Variants in SEMA3E observed in about 807,000 individuals in gnomAD.
SEMA3E encodes the protein semaphorin-3E.
Under a neutral mutation model 93.6 loss-of-function variants are expected in SEMA3E, and 49 were observed. That is an observed-to-expected ratio of 0.52 (90% CI 0.42 to 0.66). The LOEUF (loss-of-function observed/expected upper bound fraction) is 0.66. SEMA3E is among the 30% of genes least tolerant of loss of function. The probability of loss-of-function intolerance (pLI) is 0.00; values close to 1 mark genes in which losing one functional copy is unlikely to be tolerated. For synonymous variants in SEMA3E, 363 were observed against 330.7 expected (o/e 1.10, Z -1.06); for missense variants, 906 against 964.8 (o/e 0.94, Z 0.81).
chr7:83,536,599 T>C (rs1274361683), intron 1 of SEMA3E, among the ~76,000 whole-genome samples: 1 of 152,034 alleles, frequency 6.6e-6, no homozygotes, highest in Non-Finnish European at 1.5e-5. Context: ...AAATCAGATA[T>C]ATTGAGATAG....
intron 4 of SEMA3E, among the ~76,000 whole-genome samples, chr7:83,458,617 G>T (rs1043632555): frequency 6.6e-6 from 1 of 151,706 alleles, no homozygotes; most frequent in Non-Finnish European, 1.5e-5. Context: ...ACTGCCCATT[G>T]CAAGTTTACA....
At chr7:83,428,320 A>G (rs1350351641) in intron 4 of SEMA3E, among the ~76,000 whole-genome samples, 1 of 152,234 alleles carries the variant, frequency 6.6e-6, no homozygotes, top group East Asian at 1.9e-4. Flanking sequence ...GCTAGAAGTC[A>G]ACTAGAATAT....
chr7:83,520,656 G>A (rs759832076), intron 1 of SEMA3E, among the ~76,000 whole-genome samples: 7 of 152,032 alleles, frequency 4.6e-5, no homozygotes, highest in South Asian at 2.1e-4. Context: ...AACATACACC[G>A]TATTTAAGAT....
rs200621696 is a variant in SEMA3E at position 83,367,706 on chromosome 7, A to C, written c.2208T>G (p.Asp736Glu). The change falls in exon 17 of 17, where the codon GAT becomes GAG. Residue 736 changes from aspartate to glutamate, a missense_variant. By Grantham distance (45) the Asp-to-Glu change is conservative. Coordinates refer to ENST00000643230, the MANE Select transcript of SEMA3E (RefSeq NM_012431.3). ...EEYCEKVWCT[D>E]RKRKKLKMSP... ...ACATTTTAAGCTTTTTCCTCTTTCT[A>C]TCTGTGCACCATACTTTCTCGCAGT... 84 of 1,613,736 alleles carry C rather than the reference A, an allele frequency of 5.2e-5. 1 individual carries two copies. The South Asian group carries it at 9.2e-4, about 18-fold the overall frequency.
intron 1 of SEMA3E, among the ~76,000 whole-genome samples, chr7:83,613,898 C>A (rs1258026253): frequency 6.6e-6 from 1 of 151,968 alleles, no homozygotes; most frequent in Non-Finnish European, 1.5e-5. Context: ...ATAATGACTT[C>A]TAAAGATGTA....
intron 4 of SEMA3E, among the ~76,000 whole-genome samples, chr7:83,420,308 T>A (rs1275041284): frequency 6.6e-6 from 1 of 152,178 alleles, no homozygotes; most frequent in East Asian, 1.9e-4. Context: ...ATATAGATGA[T>A]ACAAACAAAT....
intron 4 of SEMA3E, among the ~76,000 whole-genome samples, chr7:83,445,781 G>C (rs1304261604): frequency 6.6e-6 from 1 of 152,024 alleles, no homozygotes; most frequent in East Asian, 1.9e-4. Flanking sequence ...AGAAAGAAGA[G>C]TGAGGGCTTC....
At chr7:83,470,226 C>T (rs1048241519) in intron 2 of SEMA3E, among the ~76,000 whole-genome samples, 1 of 151,886 alleles carries the variant, frequency 6.6e-6, no homozygotes, top group East Asian at 1.9e-4. Context: ...TCTTTTTCAC[C>T]TCTAATAGTA....
chr7:83,543,454 A>G (rs531956154), intron 1 of SEMA3E, among the ~76,000 whole-genome samples: 1 of 152,172 alleles, frequency 6.6e-6, no homozygotes, highest in Admixed American at 6.5e-5. Flanking sequence ...ATGTGTCCAG[A>G]CTCATATAAA....
At chr7:83,616,297 T>C (rs928284540) in intron 1 of SEMA3E, among the ~76,000 whole-genome samples, 16 of 152,328 alleles carry the variant, frequency 1.1e-4, no homozygotes, top group Non-Finnish European at 5.9e-5. Flanking sequence ...TTGTCATTCA[T>C]GCTATGTCCT....
At chr7:83,466,730 A>T in intron 3 of SEMA3E, 129 bp from the exon 4 acceptor site, 1 of 1,106,462 alleles carries the variant, frequency 9.0e-7, no homozygotes, top group Non-Finnish European at 1.3e-6. Context: ...GAAGGAGGCA[A>T]GAGGGGTAGA....
intron 4 of SEMA3E, among the ~76,000 whole-genome samples, chr7:83,425,233 T>A (rs530946983): frequency 6.7e-6 from 1 of 148,680 alleles, no homozygotes; most frequent in African/African-American, 2.5e-5. Flanking sequence ...AAAAAAAAAA[T>A]GTTTTCTGTA....
intron 1 of SEMA3E, among the ~76,000 whole-genome samples, chr7:83,551,813 G>A (rs979001666): frequency 1.3e-5 from 2 of 152,052 alleles, no homozygotes; most frequent in Non-Finnish European, 2.9e-5. Context: ...CTTGTGCTTT[G>A]CAGGACATGT....
intron 2 of SEMA3E, among the ~76,000 whole-genome samples, chr7:83,476,405 A>G (rs1008517609): frequency 1.3e-5 from 2 of 152,222 alleles, no homozygotes; most frequent in African/African-American, 4.8e-5. Flanking sequence ...TGGATGTTTA[A>G]CAGATCACTC....
intron 1 of SEMA3E, among the ~76,000 whole-genome samples, chr7:83,517,927 G>A (rs1790965628): frequency 6.6e-6 from 1 of 152,142 alleles, no homozygotes; most frequent in South Asian, 2.1e-4. Context: ...GGACCATGGT[G>A]GAGAAGACTG....
At chr7:83,574,569 G>C (rs959142338) in intron 1 of SEMA3E, among the ~76,000 whole-genome samples, 2 of 151,852 alleles carry the variant, frequency 1.3e-5, no homozygotes, top group African/African-American at 4.8e-5. Flanking sequence ...CATAAACTTG[G>C]GTTTAGCCAT....
At chr7:83,642,288 A>G (rs1326817758) in intron 1 of SEMA3E, among the ~76,000 whole-genome samples, 2 of 152,138 alleles carry the variant, frequency 1.3e-5, no homozygotes, top group Non-Finnish European at 2.9e-5. Flanking sequence ...AAGGAGCCCT[A>G]TGGTTAGAAT....
intron 1 of SEMA3E, among the ~76,000 whole-genome samples, chr7:83,565,041 A>ACTAC (rs1792114648): frequency 6.6e-6 from 1 of 152,342 alleles, no homozygotes; most frequent in South Asian, 2.1e-4. Flanking sequence ...AGAAATACAA[A>ACTAC]CTACCATCAG....
chr7:83,392,589 A>G lies in SEMA3E; in HGVS notation c.1633T>C (p.Ser545Pro), dbSNP rs61729607. ...TGTGTGCCTGTTGGGTAATACCGGGAGCAGGATATGCCATCCCAGGCACAG... is the reference window on the plus strand; with the variant it reads ...TGTGTGCCTGTTGGGTAATACCGGGGGCAGGATATGCCATCCCAGGCACAG... ...PYCAWDGISCSRYYPTGTHAK... is the reference protein window; with the variant it reads ...PYCAWDGISCPRYYPTGTHAK... Residue 545 changes from serine (S) to proline (P), a missense_variant, in exon 14 of 17, where the codon TCC becomes CCC. Coordinates refer to ENST00000643230, the MANE Select transcript of SEMA3E (RefSeq NM_012431.3). 1 of 1,613,736 alleles carries G rather than the reference A, an allele frequency of 6.2e-7. No homozygotes were observed. Among genetic ancestry groups the G allele is most frequent in the Non-Finnish European group, 8.5e-7 (1 of 1,179,824 alleles).
Sources: gnomAD v4.1 joint callset for allele counts (sites outside exome capture counted in the v4.1 genomes callset) on GRCh38, gnomAD v4.1.1 for gene constraint, MANE v1.5 for transcripts, NCBI Gene and HGNC (gene_info 2026-07-23, HGNC 2026-07-21) for gene names.